Variants in CDH8 observed in about 807,000 individuals in gnomAD.
CDH8 encodes the protein cadherin 8.
A neutral mutation model predicts 68.1 loss-of-function variants in CDH8; 17 were observed. The observed-to-expected ratio is 0.25, with a 90% CI of 0.17 to 0.37. The LOEUF (loss-of-function observed/expected upper bound fraction) is 0.37. CDH8 is among the 10% of genes least tolerant of loss of function. The pLI is 1.00. For synonymous variants in CDH8, 372 were observed against 365.1 expected, an observed-to-expected ratio of 1.02 and a Z score of -0.21; for missense variants, 763 against 999.3, an observed-to-expected ratio of 0.76 and a Z score of 3.19.
At chr16:61,859,812 G>T (rs1193752453) in intron 3 of CDH8, among the ~76,000 whole-genome samples, 1 of 152,120 alleles carries the variant, frequency 6.6e-6, no homozygotes, top group African/African-American at 2.4e-5. Flanking sequence ...CCTTTAAGAG[G>T]TGATTGGGCC....
At position 62,001,069 on chromosome 16, in the gene CDH8, A is replaced by G. The variant is rs1965885837; in HGVS notation, c.252+20083T>C. 4.6e-5 allele frequency among the ~76,000 whole-genome samples: 7 copies of G among 152,282 alleles called. No homozygotes were observed. The South Asian group carries it at 1.4e-3, about 32-fold the overall frequency. On this transcript the variant is annotated intron_variant, in intron 2 of 11. Coordinates refer to ENST00000577390, the MANE Select transcript of CDH8 (RefSeq NM_001796.5). ...CTGCTGTTCATTGAGGCTAGAAAAT[A>G]TTTGGGACTCATTCACGTAGATAAT...
intron 7 of CDH8, among the ~76,000 whole-genome samples, chr16:61,800,070 G>T (rs140147483): frequency 2.6e-4 from 40 of 152,082 alleles, no homozygotes; most frequent in Non-Finnish European, 4.9e-4. Context: ...CACCACGCCC[G>T]GCTATTTCTT....
rs1963427869 is a variant in CDH8 at position 61,655,623 on chromosome 16, G to A, written c.1753C>T (p.Pro585Ser). The A allele has an allele frequency of 6.2e-7, 1 of 1,613,996 alleles. No homozygotes were observed. Among genetic ancestry groups the A allele is most frequent in the Non-Finnish European group, 8.5e-7 (1 of 1,179,970 alleles). The part of the protein sequence containing the change: ...PIIISDSGNP[P>S]LSSTSTLTIR... ...GTCAAGGTGCTAGTGCTGCTCAGTGGAGGATTTCCACTATCACTGATTATG... is the reference window on the plus strand; with the variant it reads ...GTCAAGGTGCTAGTGCTGCTCAGTGAAGGATTTCCACTATCACTGATTATG... Residue 585 changes from proline to serine, a missense_variant, in exon 11 of 12, where the codon CCA becomes TCA. By Grantham distance (74) the Pro-to-Ser change is moderately conservative. Around this residue, in one of 2 missense-constraint regions of CDH8, gnomAD observed 397 missense variants for 436.2 expected, o/e 0.91. Transcript: ENST00000577390.
At chr16:61,826,152 T>C (rs1278628793) in intron 4 of CDH8, among the ~76,000 whole-genome samples, 1 of 151,916 alleles carries the variant, frequency 6.6e-6, no homozygotes, top group African/African-American at 2.4e-5. Flanking sequence ...ATGATCATGA[T>C]GTAGGCAGCA....
intron 10 of CDH8, among the ~76,000 whole-genome samples, chr16:61,658,853 TAA>T (rs1179227278): frequency 6.5e-4 from 99 of 152,288 alleles, no homozygotes; most frequent in Admixed American, 6.5e-3. Flanking sequence ...TTTTCTATAT[TAA>T]GAGAGTTATT....
At chr16:61,721,167 A>T (rs1959214044) in intron 9 of CDH8, among the ~76,000 whole-genome samples, 1 of 150,810 alleles carries the variant, frequency 6.6e-6, no homozygotes, top group African/African-American at 2.4e-5. Context: ...CAAAAGTCAT[A>T]CTTTTGTTAA....
intron 3 of CDH8, among the ~76,000 whole-genome samples, chr16:61,898,776 G>A (rs1355264): frequency 0.23 from 35,701 of 151,946 alleles, 5,148 homozygotes; most frequent in African/African-American, 0.41. Flanking sequence ...CTACTGGTGA[G>A]GCTTAATGAG....
At chr16:61,897,377 C>T (rs1003948966) in intron 3 of CDH8, among the ~76,000 whole-genome samples, 4 of 152,048 alleles carry the variant, frequency 2.6e-5, no homozygotes, top group Non-Finnish European at 5.9e-5. Context: ...CTCAGCCTCC[C>T]GAGTAGCTGG....
intron 7 of CDH8, among the ~76,000 whole-genome samples, chr16:61,816,378 A>T (rs1962075386): frequency 6.6e-6 from 1 of 152,086 alleles, no homozygotes; most frequent in Non-Finnish European, 1.5e-5. Flanking sequence ...AAAAAATCGA[A>T]TAAATAAACC....
intron 3 of CDH8, among the ~76,000 whole-genome samples, chr16:61,887,090 TAA>T (rs1963688659): frequency 1.3e-5 from 2 of 152,172 alleles, no homozygotes; most frequent in Non-Finnish European, 1.5e-5. Context: ...ACAATAGGAA[TAA>T]GTAGGTAACA....
chr16:61,883,925 CAAGAT>C (rs1264343784), intron 3 of CDH8, among the ~76,000 whole-genome samples: 4 of 149,658 alleles, frequency 2.7e-5, no homozygotes, highest in Non-Finnish European at 3.0e-5. Flanking sequence ...AAACATGAAA[CAAGAT>C]AAGAAGCAGA....
At chr16:62,022,006 C>G (rs1012645948) in intron 1 of CDH8, among the ~76,000 whole-genome samples, 1 of 152,072 alleles carries the variant, frequency 6.6e-6, no homozygotes. Flanking sequence ...GCCCACTTGT[C>G]GAACACACTG....
chr16:61,949,183 C>G (rs1043641343), intron 2 of CDH8, among the ~76,000 whole-genome samples: 2 of 152,302 alleles, frequency 1.3e-5, no homozygotes, highest in Admixed American at 1.3e-4. Flanking sequence ...TGGGAAAGGA[C>G]TCTCTAACAA....
chr16:61,903,575 T>G (rs1295699693), intron 2 of CDH8, among the ~76,000 whole-genome samples: 1 of 152,074 alleles, frequency 6.6e-6, no homozygotes, highest in Non-Finnish European at 1.5e-5. Context: ...CCTCCCAAAG[T>G]GCTGGGATTA....
At chr16:61,889,093 G>C (rs1276753589) in intron 3 of CDH8, among the ~76,000 whole-genome samples, 1 of 152,158 alleles carries the variant, frequency 6.6e-6, no homozygotes, top group East Asian at 1.9e-4. Context: ...GGATGTATAT[G>C]AGATTATGTG....
chr16:61,681,643 G>A (rs1964013990), intron 10 of CDH8, among the ~76,000 whole-genome samples: 2 of 151,208 alleles, frequency 1.3e-5, no homozygotes, highest in South Asian at 2.1e-4. Flanking sequence ...ATATTAAATT[G>A]TACCACAAAA....
chr16:61,944,625 T>G (rs1343244294), intron 2 of CDH8, among the ~76,000 whole-genome samples: 7 of 152,162 alleles, frequency 4.6e-5, no homozygotes, highest in Non-Finnish European at 1.0e-4. Context: ...TTTTGAGAGA[T>G]ATTAATATCA....
intron 2 of CDH8, among the ~76,000 whole-genome samples, chr16:62,014,352 G>A (rs529944989): frequency 4.8e-4 from 73 of 152,252 alleles, no homozygotes; most frequent in African/African-American, 1.7e-3. Flanking sequence ...TGGACAAGAG[G>A]GAGCCAACTC....
chr16:61,875,524 A>G (rs1963443213), intron 3 of CDH8, among the ~76,000 whole-genome samples: 1 of 152,198 alleles, frequency 6.6e-6, no homozygotes, highest in Non-Finnish European at 1.5e-5. Context: ...GGTATCATCT[A>G]TAACCTAAAA....
Sources: gnomAD v4.1 joint callset for allele counts (sites outside exome capture counted in the v4.1 genomes callset) on GRCh38, gnomAD v4.1.1 for gene constraint, gnomAD v4.1.1 regional missense constraint, MANE v1.5 for transcripts, NCBI Gene and HGNC (gene_info 2026-07-23, HGNC 2026-07-21) for gene names.